Variants in HIBADH observed in about 807,000 individuals in gnomAD.
HIBADH encodes the protein 3-hydroxyisobutyrate dehydrogenase.
Under a neutral mutation model 36.1 loss-of-function variants are expected in HIBADH, and 25 were observed. That is an observed-to-expected ratio of 0.69 (90% CI 0.50 to 0.97). The LOEUF is 0.97. Among genes scored for constraint, HIBADH ranks in the 50% least tolerant of loss-of-function variants. HIBADH has a pLI of 0.00. For missense variants in HIBADH, 421 were observed against 418.0 expected (o/e 1.01, Z -0.06); for synonymous variants, 160 against 149.5 (o/e 1.07, Z -0.51).
At chr7:27,659,153 AT>A (rs750441032) in intron 1 of HIBADH, among the ~76,000 whole-genome samples, 10 of 152,288 alleles carry the variant, frequency 6.6e-5, no homozygotes, top group Non-Finnish European at 1.5e-4. Flanking sequence ...CATGATGCTA[AT>A]TTTTCCATTC....
intron 2 of HIBADH, among the ~76,000 whole-genome samples, chr7:27,640,625 T>C (rs977078005): frequency 3.9e-5 from 6 of 152,230 alleles, no homozygotes; most frequent in Middle Eastern, 3.2e-3. Context: ...ATTTTCCACC[T>C]TTTGGGCCTG....
At chr7:27,660,836 G>A (rs1245864131) in intron 1 of HIBADH, among the ~76,000 whole-genome samples, 1 of 152,140 alleles carries the variant, frequency 6.6e-6, no homozygotes, top group African/African-American at 2.4e-5. Context: ...AGCACTCTGA[G>A]GTAGGCCCTC....
intron 4 of HIBADH, among the ~76,000 whole-genome samples, chr7:27,617,891 C>T (rs1414820442): frequency 6.6e-6 from 1 of 152,174 alleles, no homozygotes; most frequent in African/African-American, 2.4e-5. Context: ...TGTGGTGGCA[C>T]AGCACTGGCT....
At chr7:27,536,037 T>C (rs1784065821) in intron 6 of HIBADH, among the ~76,000 whole-genome samples, 1 of 152,192 alleles carries the variant, frequency 6.6e-6, no homozygotes, top group Non-Finnish European at 1.5e-5. Flanking sequence ...ACCATTTTGA[T>C]GCTATACTAC....
At chr7:27,552,258 T>A (rs1015785307) in intron 4 of HIBADH, among the ~76,000 whole-genome samples, 2 of 152,192 alleles carry the variant, frequency 1.3e-5, no homozygotes, top group Non-Finnish European at 2.9e-5. Context: ...CACAGATGAA[T>A]GGCTTTGCAC....
At chr7:27,583,666 T>C (rs1391181620) in intron 4 of HIBADH, among the ~76,000 whole-genome samples, 1 of 152,042 alleles carries the variant, frequency 6.6e-6, no homozygotes, top group Non-Finnish European at 1.5e-5. Context: ...TTCTCCCTTA[T>C]TGGACATTTG....
At chr7:27,549,395 A>G (rs1333484247) in intron 4 of HIBADH, among the ~76,000 whole-genome samples, 1 of 152,096 alleles carries the variant, frequency 6.6e-6, no homozygotes, top group East Asian at 1.9e-4. Context: ...ATTTTTGTCA[A>G]TTAAAAAATG....
rs576100302 is a variant in HIBADH at position 27,525,987 on chromosome 7, C to G, written c.*227G>C. 1.0e-4 allele frequency: 31 copies of G among 296,148 alleles called. No homozygotes were observed. The South Asian group carries it at 1.8e-3, about 17-fold the overall frequency. The allele number at this position is 296,148 out of a possible 1,614,324, so 18.3% of individuals were successfully genotyped here. On this transcript the variant is annotated 3_prime_UTR_variant, in exon 8 of 8. Coordinates refer to ENST00000265395, the MANE Select transcript of HIBADH (RefSeq NM_152740.4). Reference sequence around the variant, plus strand: ...AAACTTTGTAAAAAGGTCAATTAAGCTAGTTAGCAGAGACTATCAGTGGCT... The same window carrying G: ...AAACTTTGTAAAAAGGTCAATTAAGGTAGTTAGCAGAGACTATCAGTGGCT...
intron 4 of HIBADH, among the ~76,000 whole-genome samples, chr7:27,592,909 C>G (rs1247415449): frequency 6.6e-6 from 1 of 152,112 alleles, no homozygotes; most frequent in Non-Finnish European, 1.5e-5. Context: ...CAGCCTCATC[C>G]AACACCATAC....
At chr7:27,544,420 A>G (rs1784204190) in intron 4 of HIBADH, among the ~76,000 whole-genome samples, 1 of 152,244 alleles carries the variant, frequency 6.6e-6, no homozygotes, top group African/African-American at 2.4e-5. Context: ...TGGTTAAATT[A>G]CACCATTTTA....
At chr7:27,601,629 G>C (rs187906298) in intron 4 of HIBADH, among the ~76,000 whole-genome samples, 2 of 152,034 alleles carry the variant, frequency 1.3e-5, no homozygotes, top group South Asian at 2.1e-4. Context: ...TTAAGGTAAA[G>C]GGGAAAATAC....
At chr7:27,616,882 T>C (rs111978354) in intron 4 of HIBADH, among the ~76,000 whole-genome samples, 3 of 152,324 alleles carry the variant, frequency 2.0e-5, no homozygotes, top group African/African-American at 7.2e-5. Context: ...AGCTGTATAA[T>C]GTGTTGCTGT....
intron 4 of HIBADH, among the ~76,000 whole-genome samples, chr7:27,550,113 G>A (rs1364170051): frequency 6.6e-6 from 1 of 152,034 alleles, no homozygotes; most frequent in African/African-American, 2.4e-5. Flanking sequence ...GTTTCACCAT[G>A]TTGGCCAGGA....
At chr7:27,569,679 C>G (rs535291179) in intron 4 of HIBADH, among the ~76,000 whole-genome samples, 1 of 152,070 alleles carries the variant, frequency 6.6e-6, no homozygotes, top group Non-Finnish European at 1.5e-5. Flanking sequence ...CTCCATCCCC[C>G]ACTGCCACCC....
intron 2 of HIBADH, among the ~76,000 whole-genome samples, chr7:27,648,368 C>T (rs1283251556): frequency 6.6e-6 from 1 of 152,194 alleles, no homozygotes; most frequent in Admixed American, 6.5e-5. Context: ...TCCATCCTCA[C>T]ACTATACTGC....
chr7:27,561,124 C>T (rs1784461012), intron 4 of HIBADH, among the ~76,000 whole-genome samples: 1 of 152,146 alleles, frequency 6.6e-6, no homozygotes, highest in Non-Finnish European at 1.5e-5. Context: ...AATGTCTGTT[C>T]AAATCCTTTG....
intron 4 of HIBADH, among the ~76,000 whole-genome samples, chr7:27,578,995 A>AAGAT (rs1424118382): frequency 2.0e-5 from 3 of 152,234 alleles, no homozygotes; most frequent in African/African-American, 7.2e-5. Flanking sequence ...CAGAAATGTC[A>AAGAT]AGATAGATTA....
At chr7:27,575,650 C>T (rs923115183) in intron 4 of HIBADH, among the ~76,000 whole-genome samples, 6 of 152,104 alleles carry the variant, frequency 3.9e-5, no homozygotes, top group East Asian at 1.9e-4. Flanking sequence ...AGAGGAAGTC[C>T]GAGCAATGGT....
intron 4 of HIBADH, among the ~76,000 whole-genome samples, chr7:27,605,586 C>CAAAAAAAAAAA (rs70994666): frequency 3.0e-5 from 1 of 33,590 alleles, no homozygotes. Context: ...TTTAGACAAG[C>CAAAAAAAAAAA]AAAAAAAAAA....
Sources: allele counts gnomAD v4.1 joint callset (sites outside exome capture counted in the v4.1 genomes callset), GRCh38; gene constraint gnomAD v4.1.1; transcripts MANE v1.5; gene names NCBI Gene and HGNC (gene_info 2026-07-23, HGNC 2026-07-21).